Variants in CADPS2 observed in about 807,000 individuals in gnomAD.
CADPS2 encodes calcium-dependent secretion activator 2.
Under a neutral mutation model 172.5 loss-of-function variants are expected in CADPS2, and 93 were observed. That is an observed-to-expected ratio of 0.54 (90% CI 0.46 to 0.64). CADPS2 has a LOEUF of 0.64. CADPS2 is among the 30% of genes least tolerant of loss of function. The pLI, the probability that CADPS2 is intolerant of heterozygous loss-of-function variation, is 0.00. For synonymous variants in CADPS2, 546 were observed against 555.2 expected, an observed-to-expected ratio of 0.98 and a Z score of 0.23; for missense variants, 1,420 against 1,565.9, an observed-to-expected ratio of 0.91 and a Z score of 1.57.
chr7:122,702,048 C>A (rs745627657), intron 2 of CADPS2: 7 of 1,613,612 alleles, frequency 4.3e-6, no homozygotes, highest in Non-Finnish European at 5.9e-6. Context: ...TGGTCAATAG[C>A]TTTCTTCACA....
Position 122,360,356 on chromosome 7 carries a change from T to G in CADPS2, c.3504+432A>C, listed in dbSNP as rs554359093. On this transcript the variant is annotated intron_variant, in intron 27 of 29. Coordinates refer to ENST00000449022, the MANE Select transcript of CADPS2 (RefSeq NM_017954.11). ...AACAACAAATGTTAAAATAAGTAACTACTGATTTATATAACACTTGTGTAT... is the reference window on the plus strand; with the variant it reads ...AACAACAAATGTTAAAATAAGTAACGACTGATTTATATAACACTTGTGTAT... Among the ~76,000 whole-genome samples, 61 of 152,358 alleles carry G rather than the reference T, an allele frequency of 4.0e-4. No homozygotes were observed. In the South Asian group the frequency reaches 0.012, roughly 31 times the overall value.
intron 11 of CADPS2, among the ~76,000 whole-genome samples, chr7:122,485,834 T>C (rs879304173): frequency 6.6e-6 from 1 of 152,218 alleles, no homozygotes; most frequent in South Asian, 2.1e-4. Flanking sequence ...TAGTGGCTAA[T>C]GCAGCTGGTG....
Position 122,615,405 on chromosome 7 carries a change from A to T in CADPS2, c.1105-106T>A, listed in dbSNP as rs1204290157. On this transcript the variant is annotated intron_variant, in intron 5 of 29. Transcript: ENST00000449022. ...TAAGGAAGATTGACAAAACTGAAAAAAAATTTGTTTTTTGTTAACATCACT... is the reference window on the plus strand; with the variant it reads ...TAAGGAAGATTGACAAAACTGAAAATAAATTTGTTTTTTGTTAACATCACT... 1.4e-5 allele frequency: 10 copies of T among 701,186 alleles called. No homozygotes were observed. The East Asian group carries it at 2.8e-4, about 19-fold the overall frequency. The allele number at this position is 701,186 out of a possible 1,614,324, so 43.4% of individuals were successfully genotyped here.
At chr7:122,369,165 T>C (rs2041417529) in intron 25 of CADPS2, among the ~76,000 whole-genome samples, 1 of 119,904 alleles carries the variant, frequency 8.3e-6, no homozygotes, top group Non-Finnish European at 1.7e-5. Context: ...TGAGTCTCGC[T>C]CTGTCGCCCA....
At chr7:122,863,901 G>T (rs1381493013) in intron 1 of CADPS2, among the ~76,000 whole-genome samples, 1 of 152,140 alleles carries the variant, frequency 6.6e-6, no homozygotes, top group Admixed American at 6.5e-5. Flanking sequence ...GTAGTGGCAG[G>T]TGCCTGTAAT....
chr7:122,354,138 T>C (rs1162579511), intron 27 of CADPS2: 1 of 152,170 alleles, frequency 6.6e-6, no homozygotes, highest in Admixed American at 6.5e-5. Flanking sequence ...ACAGATGCGA[T>C]CAATATGGTA....
chr7:122,434,234 C>G (rs1297232857), intron 17 of CADPS2, among the ~76,000 whole-genome samples: 1 of 152,040 alleles, frequency 6.6e-6, no homozygotes, highest in African/African-American at 2.4e-5. Flanking sequence ...TCATTTTTCT[C>G]TAAAGTGCAC....
At chr7:122,422,341 A>G (rs1222940777) in intron 17 of CADPS2, among the ~76,000 whole-genome samples, 1 of 152,132 alleles carries the variant, frequency 6.6e-6, no homozygotes, top group Non-Finnish European at 1.5e-5. Context: ...TTCTACGTGG[A>G]ACCCCAAATG....
intron 8 of CADPS2, among the ~76,000 whole-genome samples, chr7:122,528,110 A>AGTGGTGGTGGTGGTGGTGGTGGTGGTG (rs71159802): frequency 7.7e-6 from 1 of 130,042 alleles, no homozygotes; most frequent in South Asian, 2.8e-4. Context: ...TGAAGGCATT[A>AGTGGTGGTGGTGGTGGTGGTGGTGGTG]GTGGTGGTGG....
At chr7:122,554,393 G>A (rs955362798) in intron 8 of CADPS2, among the ~76,000 whole-genome samples, 157 bp downstream of exon 8, 1 of 152,066 alleles carries the variant, frequency 6.6e-6, no homozygotes, top group Non-Finnish European at 1.5e-5. Context: ...CCGTCTATGG[G>A]TATAAAAACA....
chr7:122,723,013 T>A (rs181657371), intron 2 of CADPS2, among the ~76,000 whole-genome samples: 1 of 152,056 alleles, frequency 6.6e-6, no homozygotes, highest in Non-Finnish European at 1.5e-5. Flanking sequence ...TCCTTACACC[T>A]TATACAAAAA....
chr7:122,487,250 T>A (rs1221045784), intron 11 of CADPS2, among the ~76,000 whole-genome samples: 1 of 151,624 alleles, frequency 6.6e-6, no homozygotes, highest in Non-Finnish European at 1.5e-5. Flanking sequence ...ACTGAAGAGA[T>A]CCCCCCCACC....
chr7:122,533,972 C>G (rs1463598795), intron 8 of CADPS2, among the ~76,000 whole-genome samples: 1 of 152,130 alleles, frequency 6.6e-6, no homozygotes, highest in East Asian at 1.9e-4. Context: ...ACGCATGCAT[C>G]TCTGCTGGCA....
At chr7:122,712,902 T>G (rs1008872876) in intron 2 of CADPS2, among the ~76,000 whole-genome samples, 1 of 152,026 alleles carries the variant, frequency 6.6e-6, no homozygotes, top group Non-Finnish European at 1.5e-5. Context: ...TCTGCTCCCA[T>G]GAGCTAATCA....
At chr7:122,868,870 A>C (rs1335695519) in intron 1 of CADPS2, among the ~76,000 whole-genome samples, 1 of 152,210 alleles carries the variant, frequency 6.6e-6, no homozygotes, top group African/African-American at 2.4e-5. Flanking sequence ...AAAAACTACT[A>C]AACAGAAATC....
chr7:122,711,287 C>G (rs574859692), intron 2 of CADPS2, among the ~76,000 whole-genome samples: 1 of 152,104 alleles, frequency 6.6e-6, no homozygotes. Flanking sequence ...TAAGCAGCAG[C>G]CTTTACAGGG....
chr7:122,663,424 A>ATGG lies in CADPS2; in HGVS notation c.598_599insCCA (p.Leu200delinsSerMet). 1.9e-6 allele frequency: 3 copies of ATGG among 1,613,922 alleles called. No homozygotes were observed. Among genetic ancestry groups the ATGG allele is most frequent in the Non-Finnish European group, 2.5e-6 (3 of 1,179,876 alleles). ...ATCATATTTGGCTATCCATGAGCTCAACACTGTCTCTTTGCTCAAGCCATC... is the reference window on the plus strand; with the variant it reads ...ATCATATTTGGCTATCCATGAGCTCATGGACACTGTCTCTTTGCTCAAGCCATC... On this transcript the variant is annotated protein_altering_variant, in exon 3 of 30. Coordinates refer to ENST00000449022, the MANE Select transcript of CADPS2 (RefSeq NM_017954.11).
chr7:122,589,541 T>C (rs998160110), intron 6 of CADPS2, among the ~76,000 whole-genome samples: 5 of 151,944 alleles, frequency 3.3e-5, no homozygotes, highest in African/African-American at 1.2e-4. Context: ...AAAAGGCTTA[T>C]ATAACACTAA....
intron 1 of CADPS2, among the ~76,000 whole-genome samples, chr7:122,761,364 T>G (rs1255024998): frequency 6.6e-6 from 1 of 151,716 alleles, no homozygotes; most frequent in Non-Finnish European, 1.5e-5. Context: ...GATGAAAAAA[T>G]AAATATAGCT....
Sources: allele counts gnomAD v4.1 joint callset (sites outside exome capture counted in the v4.1 genomes callset), GRCh38; gene constraint gnomAD v4.1.1; transcripts MANE v1.5; gene names NCBI Gene and HGNC (gene_info 2026-07-23, HGNC 2026-07-21).